Variants in SCUBE1 observed in about 807,000 individuals in gnomAD.
SCUBE1 encodes signal peptide, CUB domain and EGF like domain containing 1, also known as signal peptide, CUB and EGF-like domain-containing protein 1.
In SCUBE1, 59 loss-of-function variants were observed where a neutral mutation model predicts 124.4. That is an observed-to-expected ratio of 0.47 (90% CI 0.38 to 0.59). The LOEUF is 0.59. SCUBE1 is among the 20% of genes least tolerant of loss of function. SCUBE1 has a pLI of 0.00. For missense variants in SCUBE1, 1,150 were observed against 1,371.2 expected, an observed-to-expected ratio of 0.84 and a Z score of 2.55; for synonymous variants, 545 against 550.9, an observed-to-expected ratio of 0.99 and a Z score of 0.15.
intron 6 of SCUBE1, among the ~76,000 whole-genome samples, chr22:43,253,465 G>A (rs762013353): frequency 2.6e-5 from 4 of 152,140 alleles, no homozygotes; most frequent in Non-Finnish European, 5.9e-5. Flanking sequence ...TCTGGGGCAG[G>A]ACAAGCTCTA....
At chr22:43,252,896 C>CAT in intron 6 of SCUBE1, among the ~76,000 whole-genome samples, 5 of 147,732 alleles carry the variant, frequency 3.4e-5, no homozygotes, top group Middle Eastern at 3.7e-3. Flanking sequence ...CCCTTACTCT[C>CAT]CATACCTTGC....
At chr22:43,277,512 C>T (rs186058234) in intron 4 of SCUBE1, among the ~76,000 whole-genome samples, 1 of 152,348 alleles carries the variant, frequency 6.6e-6, no homozygotes, top group Non-Finnish European at 1.5e-5. Flanking sequence ...CACAGCACCC[C>T]TGCCCCTGGC....
In SCUBE1 at chr22:43,305,173, G is replaced by C. The variant is rs551637205; in HGVS notation, c.350-13993C>G. Among the ~76,000 whole-genome samples, 6 of 152,278 alleles carry C rather than the reference G, an allele frequency of 3.9e-5. 1 individual carries two copies. In the East Asian group the frequency reaches 5.8e-4, roughly 15 times the overall value. ...GAGAAGCGGCACATAAACCTCAATGGGTGACTGCCACCACACACAGTTCTG... is the reference window on the plus strand; with the variant it reads ...GAGAAGCGGCACATAAACCTCAATGCGTGACTGCCACCACACACAGTTCTG... On this transcript the variant is annotated intron_variant, in intron 3 of 21. Transcript: ENST00000360835.
chr22:43,330,597 A>G (rs2146795633), intron 2 of SCUBE1, among the ~76,000 whole-genome samples: 1 of 152,352 alleles, frequency 6.6e-6, no homozygotes, highest in South Asian at 2.1e-4. Flanking sequence ...AACATTCTTG[A>G]TACTCAACTG....
At chr22:43,311,854 A>C (rs17003645) in intron 3 of SCUBE1, among the ~76,000 whole-genome samples, 6,065 of 152,196 alleles carry the variant, frequency 0.04, 280 homozygotes, top group East Asian at 0.24. Context: ...ACCACTCTAC[A>C]TTATATCCTG....
intron 16 of SCUBE1, 126 bp from the exon 17 acceptor site, chr22:43,212,718 G>A (rs1386823183): frequency 1.0e-6 from 1 of 984,608 alleles, no homozygotes; most frequent in Non-Finnish European, 1.5e-6. Flanking sequence ...CCCGAGGCCT[G>A]GGGTGGGGAC....
rs1439810530 is a variant in SCUBE1, at chr22:43,255,561, T to A, written c.727+2658A>T. 3.2e-6 allele frequency: 5 copies of A among 1,550,386 alleles called. No individual in the cohort carries two copies. The highest frequency in any genetic ancestry group is 2.6e-6 in the Non-Finnish European group (3 of 1,146,978). ...TGGCATTGAACTGAGAGCGCTCAAT[T>A]GCAGCCTCATCCTTCTCTAAAACAC... On this transcript the variant is annotated intron_variant, in intron 6 of 21. Transcript: ENST00000360835. This position sits in a 1 kb window ranked among gnomAD's most constrained non-coding sequence, Gnocchi z 4.7.
At chr22:43,218,502 G>A in intron 14 of SCUBE1, 44 bp from the exon 15 acceptor site, 1 of 1,590,364 alleles carries the variant, frequency 6.3e-7, no homozygotes, top group Non-Finnish European at 8.5e-7. Context: ...TGGCAACCTT[G>A]CTAGCCGCTG....
chr22:43,250,074 A>C (rs1182560423), intron 6 of SCUBE1, among the ~76,000 whole-genome samples: 2 of 152,248 alleles, frequency 1.3e-5, no homozygotes, highest in Non-Finnish European at 2.9e-5. Context: ...ATCGATAGGA[A>C]GTACACGCTA....
chr22:43,284,979 C>G (rs933608046), intron 4 of SCUBE1, among the ~76,000 whole-genome samples: 2 of 152,148 alleles, frequency 1.3e-5, no homozygotes, highest in African/African-American at 2.4e-5. Flanking sequence ...CGTATTTATG[C>G]ACGTGTTTAA....
At chr22:43,320,680 C>T (rs1215440923) in intron 2 of SCUBE1, among the ~76,000 whole-genome samples, 2 of 152,218 alleles carry the variant, frequency 1.3e-5, no homozygotes, top group Non-Finnish European at 2.9e-5. Flanking sequence ...ACGCCCAAGT[C>T]CTGCTTGTAA....
intron 4 of SCUBE1, among the ~76,000 whole-genome samples, chr22:43,279,324 C>T (rs1924665686): frequency 6.6e-6 from 1 of 152,230 alleles, no homozygotes; most frequent in Non-Finnish European, 1.5e-5. Flanking sequence ...GGCAGTGCTT[C>T]TGACAGTGGC....
rs35645144 is a variant in SCUBE1 at position 43,211,785 on chromosome 22, A to G, written c.2221+640T>C. 0.076 allele frequency among the ~76,000 whole-genome samples: 11,519 copies of G among 152,080 alleles called. 802 individuals are homozygous for G. The highest frequency in any genetic ancestry group is 0.18 in the African/African-American group (7,279 of 41,424). The stretch of plus-strand genomic sequence containing the variant: ...GTGATCCACCCCCTTTGGCCTCCCA[A>G]AGTGCTGGGATTATAGGTGTGTGCC... On this transcript the variant is annotated intron_variant, in intron 17 of 21. Transcript: ENST00000360835. The surrounding 1 kb of genome is among the most constrained non-coding windows in gnomAD (Gnocchi z 4.5).
At chr22:43,254,334 C>T (rs965045200) in intron 6 of SCUBE1, among the ~76,000 whole-genome samples, 1 of 152,214 alleles carries the variant, frequency 6.6e-6, no homozygotes, top group Admixed American at 6.5e-5. Flanking sequence ...AAGGAGTGGG[C>T]AGGCCTGAAG....
chr22:43,338,893 G>A (rs1927172539), intron 2 of SCUBE1, among the ~76,000 whole-genome samples: 1 of 152,232 alleles, frequency 6.6e-6, no homozygotes, highest in African/African-American at 2.4e-5. Flanking sequence ...GGCACCCCAT[G>A]ACTCTAACTC....
At chr22:43,312,960 C>T (rs1364196500) in intron 3 of SCUBE1, among the ~76,000 whole-genome samples, 2 of 152,214 alleles carry the variant, frequency 1.3e-5, no homozygotes, top group Admixed American at 6.5e-5. Flanking sequence ...GGCAAAATCC[C>T]AGACCTGGGC....
chr22:43,203,172 C>T lies in SCUBE1; in HGVS notation c.*825G>A, dbSNP rs1921074332. ...GCAAGTCCAAGGCAAGCTGTGCTCT[C>T]CCCAGCCCCAAGGGCTGCCGGCCTC... On this transcript the variant is annotated 3_prime_UTR_variant, in exon 22 of 22. Transcript: ENST00000360835. The T allele has an allele frequency of 6.6e-6, 1 of 152,108 alleles. No individual in the cohort carries two copies. The highest frequency in any genetic ancestry group is 6.6e-5 in the Admixed American group (1 of 15,266). The allele number at this position is 152,108 out of a possible 1,614,324, so 9.4% of individuals were successfully genotyped here. A position where few individuals can be genotyped will look rare whatever the true frequency, so the allele number is the denominator to read the frequency against.
At chr22:43,273,285 C>T (rs1054310684) in intron 4 of SCUBE1, among the ~76,000 whole-genome samples, 9 of 152,204 alleles carry the variant, frequency 5.9e-5, no homozygotes, top group Non-Finnish European at 1.3e-4. Flanking sequence ...AGCCTCCCTT[C>T]AGCACCCTCT....
intron 2 of SCUBE1, among the ~76,000 whole-genome samples, chr22:43,331,400 T>C (rs1926898855): frequency 6.6e-6 from 1 of 152,178 alleles, no homozygotes; most frequent in African/African-American, 2.4e-5. Flanking sequence ...GAGTTTTAAT[T>C]ATAGCATTTT....
Sources: gnomAD v4.1 joint callset for allele counts (sites outside exome capture counted in the v4.1 genomes callset) on GRCh38, gnomAD v4.1.1 for gene constraint, Gnocchi (gnomAD v3.1) non-coding constraint, MANE v1.5 for transcripts, NCBI Gene and HGNC (gene_info 2026-07-23, HGNC 2026-07-21) for gene names.